Variants in RIMKLB observed in about 807,000 individuals in gnomAD.
RIMKLB encodes the protein beta-citrylglutamate synthase B.
RIMKLB carries 7 observed loss-of-function variants against 32.0 expected under a neutral mutation model. The ratio of observed to expected loss-of-function variants is 0.22; its 90% CI spans 0.12 to 0.41. The LOEUF (loss-of-function observed/expected upper bound fraction) is 0.41. Among genes scored for constraint, RIMKLB ranks in the 10% least tolerant of loss-of-function variants. The probability of loss-of-function intolerance (pLI) is 1.00; values close to 1 mark genes in which losing one functional copy is unlikely to be tolerated. For missense variants in RIMKLB, 289 were observed against 498.7 expected (o/e 0.58, Z 4.00); for synonymous variants, 172 against 185.1 (o/e 0.93, Z 0.57).
chr12:8,724,316 C>T (rs747732797), intron 2 of RIMKLB, among the ~76,000 whole-genome samples: 162 of 152,058 alleles, frequency 1.1e-3, no homozygotes, highest in Non-Finnish European at 2.1e-3. Flanking sequence ...TTTTTTCTTC[C>T]TGATCTTGTT....
At chr12:8,693,697 C>T (rs1942800812), upstream of RIMKLB, among the ~76,000 whole-genome samples, 1 of 152,142 alleles carries the variant, frequency 6.6e-6, no homozygotes, top group African/African-American at 2.4e-5. Context: ...CACACCGGGC[C>T]TGTACTGCAA....
At chr12:8,753,627 C>G (rs1410675527) in intron 4 of RIMKLB, among the ~76,000 whole-genome samples, 1 of 152,150 alleles carries the variant, frequency 6.6e-6, no homozygotes, top group African/African-American at 2.4e-5. Flanking sequence ...AAGTACAAAT[C>G]TAGACCCCTG....
intron 2 of RIMKLB, among the ~76,000 whole-genome samples, chr12:8,721,807 G>A (rs113454714): frequency 6.6e-6 from 1 of 152,096 alleles, no homozygotes; most frequent in Middle Eastern, 3.4e-3. Context: ...GCAGTGGCAC[G>A]ATCTTGGCTC....
At chr12:8,738,748 C>G (rs745644211) in intron 2 of RIMKLB, among the ~76,000 whole-genome samples, 1 of 152,252 alleles carries the variant, frequency 6.6e-6, no homozygotes, top group South Asian at 2.1e-4. Context: ...CCCCCGTCCC[C>G]CAGCCAAGCT....
chr12:8,718,245 A>G (rs1050079835), intron 2 of RIMKLB, among the ~76,000 whole-genome samples: 1 of 152,180 alleles, frequency 6.6e-6, no homozygotes, highest in African/African-American at 2.4e-5. Context: ...ATGTGTCTTA[A>G]TTTGTCTGTC....
intron 1 of RIMKLB, among the ~76,000 whole-genome samples, chr12:8,705,511 A>G (rs1277654776): frequency 4.6e-5 from 7 of 151,252 alleles, no homozygotes; most frequent in Admixed American, 1.3e-4. Flanking sequence ...TGCCGGTGAT[A>G]TTAATATTTA....
At chr12:8,757,419 G>A (rs931386519) in intron 5 of RIMKLB, among the ~76,000 whole-genome samples, 1 of 148,154 alleles carries the variant, frequency 6.7e-6, no homozygotes, top group Admixed American at 6.8e-5. Flanking sequence ...TCTGGTCCCA[G>A]CTACTTGGGA....
Position 8,776,560 on chromosome 12 carries a change from G to A in RIMKLB, c.*2776G>A, listed in dbSNP as rs902308295. On this transcript the variant is annotated 3_prime_UTR_variant, in exon 6 of 6. Transcript: ENST00000535829. ...ATTGTTAAAATTGTAATTCTAAATTGTATTTCAAAAATGATTATTTCTGAT... is the reference window on the plus strand; with the variant it reads ...ATTGTTAAAATTGTAATTCTAAATTATATTTCAAAAATGATTATTTCTGAT... The A allele has an allele frequency of 9.8e-6, 8 of 814,728 alleles. No individual in the cohort carries two copies. The Admixed American group carries it at 1.9e-4, about 19-fold the overall frequency. The allele number at this position is 814,728 out of a possible 1,614,324, so 50.5% of individuals were successfully genotyped here.
intron 5 of RIMKLB, among the ~76,000 whole-genome samples, chr12:8,763,317 TTGGCAAGCTTAACACTGG>T (rs1405328999): frequency 6.6e-6 from 1 of 152,196 alleles, no homozygotes; most frequent in Non-Finnish European, 1.5e-5. Flanking sequence ...TCTTGGCCTG[TTGGCAAGCTTAACACTGG>T]GGCTTGGGTT....
In RIMKLB at chr12:8,764,731, G is replaced by A. The variant is rs769173064; in HGVS notation, c.698-8590G>A. On this transcript the variant is annotated intron_variant, in intron 5 of 5. Transcript: ENST00000535829. ...GTGGCTTCTGACTCAGAGGACCTTC[G>A]TCCCCTGGGGCAGTGGGCCTTCCAG... is the stretch of plus-strand genomic sequence containing the variant. Among the ~76,000 whole-genome samples the A allele has an allele frequency of 1.7e-4, 26 of 152,212 alleles. No individual in the cohort carries two copies. In the South Asian group the frequency reaches 4.2e-3, roughly 24 times the overall value.
chr12:8,705,452 G>T (rs772887024), intron 1 of RIMKLB, among the ~76,000 whole-genome samples: 2 of 148,204 alleles, frequency 1.3e-5, no homozygotes, highest in East Asian at 4.0e-4. Context: ...ACTCCAGCCT[G>T]GGTGACAGAT....
At position 8,718,657 on chromosome 12, in the gene RIMKLB, A is replaced by ATGTG. The variant is rs1394689486; in HGVS notation, c.175+4617_175+4618insGTGT. On this transcript the variant is annotated intron_variant, in intron 2 of 5. Coordinates refer to ENST00000535829, the MANE Select transcript of RIMKLB (RefSeq NM_001297776.2). Reference sequence around the variant, plus strand: ...ACTCCGTCTCTCTCTCTCTCTCTATATATATATATATATGTGTGTGTGTGT... The same window carrying ATGTG: ...ACTCCGTCTCTCTCTCTCTCTCTATATGTGTATATATATATATGTGTGTGTGTGT... 2.7e-3 allele frequency among the ~76,000 whole-genome samples: 366 copies of ATGTG among 133,570 alleles called. 3 individuals are homozygous for ATGTG. Among genetic ancestry groups the ATGTG allele is most frequent in the African/African-American group, 0.01 (333 of 31,918 alleles). 87.6% of individuals were successfully genotyped at this position (133,570 alleles called of 152,430 possible). A position where few individuals can be genotyped will look rare whatever the true frequency, so the allele number is the denominator to read the frequency against.
chr12:8,704,471 A>T (rs183659570), intron 1 of RIMKLB, among the ~76,000 whole-genome samples: 59 of 152,348 alleles, frequency 3.9e-4, no homozygotes, highest in African/African-American at 1.4e-3. Context: ...CATGTTTTCA[A>T]TCATGACTTA....
intron 5 of RIMKLB, among the ~76,000 whole-genome samples, chr12:8,759,763 AGT>A (rs1174856293): frequency 1.3e-5 from 2 of 152,146 alleles, no homozygotes; most frequent in Admixed American, 6.6e-5. Context: ...CCTCCAGTAT[AGT>A]GTTAAGCAAT....
intron 5 of RIMKLB, among the ~76,000 whole-genome samples, chr12:8,765,210 G>A (rs761203803): frequency 2.6e-5 from 4 of 151,944 alleles, no homozygotes; most frequent in Non-Finnish European, 5.9e-5. Flanking sequence ...TCCTTTCCCT[G>A]TGTTATAGTG....
upstream of RIMKLB, among the ~76,000 whole-genome samples, chr12:8,677,149 A>G (rs1447686894): frequency 1.3e-5 from 2 of 152,316 alleles, no homozygotes; most frequent in East Asian, 1.9e-4. Flanking sequence ...CACCACCTGT[A>G]GTACAGGAAA....
chr12:8,775,585 T>C lies in RIMKLB; in HGVS notation c.*1801T>C. On this transcript the variant is annotated 3_prime_UTR_variant, in exon 6 of 6. Coordinates refer to ENST00000535829, the MANE Select transcript of RIMKLB (RefSeq NM_001297776.2). ...TTTCTTGGACACTACTAGAGAGACT[T>C]CGAGGCAATAATAAAAGATCAGTAT... 1.0e-6 allele frequency: 1 copy of C among 985,736 alleles called. No individual in the cohort carries two copies. Among genetic ancestry groups the C allele is most frequent in the Non-Finnish European group, 1.2e-6 (1 of 829,824 alleles). 61.1% of individuals were successfully genotyped at this position (985,736 alleles called of 1,614,324 possible). A position where few individuals can be genotyped will look rare whatever the true frequency, so the allele number is the denominator to read the frequency against.
chr12:8,746,894 C>T (rs2137646188), intron 2 of RIMKLB, among the ~76,000 whole-genome samples: 1 of 152,288 alleles, frequency 6.6e-6, no homozygotes, highest in South Asian at 2.1e-4. Context: ...ACACACACAA[C>T]CACACCTGGC....
intron 5 of RIMKLB, among the ~76,000 whole-genome samples, chr12:8,760,124 G>C (rs948570324): frequency 6.6e-6 from 1 of 151,818 alleles, no homozygotes; most frequent in African/African-American, 2.4e-5. Context: ...GCCCCCGTGT[G>C]TGATGATCCC....
Sources: gnomAD v4.1 joint callset for allele counts (sites outside exome capture counted in the v4.1 genomes callset) on GRCh38, gnomAD v4.1.1 for gene constraint, MANE v1.5 for transcripts, NCBI Gene and HGNC (gene_info 2026-07-23, HGNC 2026-07-21) for gene names.